APPBP2: variants seen among roughly 807,000 people sequenced by gnomAD.
APPBP2 encodes amyloid protein-binding protein 2.
A neutral mutation model predicts 76.0 loss-of-function variants in APPBP2; 15 were observed. The observed-to-expected ratio is 0.20, with a 90% CI of 0.13 to 0.30. APPBP2 has a LOEUF of 0.30. APPBP2 is among the 10% of genes least tolerant of loss of function. The pLI, the probability that APPBP2 is intolerant of heterozygous loss-of-function variation, is 1.00. For missense variants in APPBP2, 401 were observed against 687.2 expected, an observed-to-expected ratio of 0.58 and a Z score of 4.66; for synonymous variants, 222 against 242.2, an observed-to-expected ratio of 0.92 and a Z score of 0.77.
chr17:60,462,738 C>T (rs1421124250), intron 6 of APPBP2: 1 of 152,104 alleles, frequency 6.6e-6, no homozygotes, highest in Non-Finnish European at 1.5e-5. Context: ...ATCACAAGGT[C>T]AGGAGATCGA....
Position 60,461,783 on chromosome 17 carries a change from A to G in APPBP2, c.936+27T>C, listed in dbSNP as rs776614171. 8 of 1,533,546 alleles carry G rather than the reference A, an allele frequency of 5.2e-6. No homozygotes were observed. In the South Asian group the frequency reaches 9.5e-5, roughly 18 times the overall value. 95.0% of individuals were successfully genotyped at this position (1,533,546 alleles called of 1,614,324 possible). On this transcript the variant is annotated intron_variant, in intron 8 of 12. Coordinates refer to ENST00000083182, the MANE Select transcript of APPBP2 (RefSeq NM_006380.5). Reference sequence around the variant, plus strand: ...GGTCAGCAAGTCAATACAGGTTGAAAGAAAAAAAGGGTAACCATTAACATA... The same window carrying G: ...GGTCAGCAAGTCAATACAGGTTGAAGGAAAAAAAGGGTAACCATTAACATA...
chr17:60,463,418 A>T (rs529526278), intron 6 of APPBP2, among the ~76,000 whole-genome samples: 1 of 152,284 alleles, frequency 6.6e-6, no homozygotes, highest in East Asian at 1.9e-4. Context: ...AGGTGGGAGG[A>T]TCGCTTGAGT....
intron 1 of APPBP2, among the ~76,000 whole-genome samples, chr17:60,522,121 G>A (rs2091014167): frequency 6.6e-6 from 1 of 152,110 alleles, no homozygotes. Flanking sequence ...AGCAACACAT[G>A]ACTGTATTGT....
chr17:60,453,872 C>G (rs975975740), intron 11 of APPBP2, among the ~76,000 whole-genome samples: 1 of 151,078 alleles, frequency 6.6e-6, no homozygotes, highest in Non-Finnish European at 1.5e-5. Context: ...TATATTTTGA[C>G]TATTGTTTGT....
chr17:60,512,849 AAAAAAG>A (rs1315598602), intron 1 of APPBP2, among the ~76,000 whole-genome samples: 13 of 150,528 alleles, frequency 8.6e-5, no homozygotes, highest in African/African-American at 3.2e-4. Context: ...AAAAAAAAAA[AAAAAAG>A]GAAAGGAAAA....
intron 3 of APPBP2, among the ~76,000 whole-genome samples, chr17:60,480,052 A>G (rs1033973566): frequency 6.6e-6 from 1 of 152,218 alleles, no homozygotes; most frequent in Non-Finnish European, 1.5e-5. Context: ...TTATTAAGGA[A>G]TAATTTCTTA....
chr17:60,477,339 C>T (rs1208606504), intron 4 of APPBP2: 1 of 152,114 alleles, frequency 6.6e-6, no homozygotes, highest in Non-Finnish European at 1.5e-5. Context: ...AAATAAAGCA[C>T]ATACAAAAAA....
Position 60,494,501 on chromosome 17 carries a change from A to T in APPBP2, c.344T>A (p.Val115Glu), listed in dbSNP as rs1460602293. 6.2e-7 allele frequency: 1 copy of T among 1,610,636 alleles called. No homozygotes were observed. Among genetic ancestry groups the T allele is most frequent in the Admixed American group, 1.7e-5 (1 of 58,706 alleles). The change falls in exon 3 of 13, where the codon GTA becomes GAA. Residue 115 changes from valine to glutamate, a missense_variant. Around this residue, in one of 5 missense-constraint regions of APPBP2, gnomAD observed 149 missense variants for 198.4 expected, o/e 0.75. Coordinates refer to ENST00000083182, the MANE Select transcript of APPBP2 (RefSeq NM_006380.5). ...GCCAACCTGAATGGCTTTTTCCTTT[A>T]CTGCAGCATCTGATTCTGCTATATA... ...CSYIAESDAA[V>E]KEKAIQVGFV... is the part of the protein sequence containing the mutation.
At position 60,518,069 on chromosome 17, in the gene APPBP2, T is replaced by G. The variant is rs67907415; in HGVS notation, c.138+7725A>C. ...TTTTTAAAGTGTTCTTACAATTTCCTTTTTTTTTTTTTTTTTGAGACAGTC... is the reference window on the plus strand; with the variant it reads ...TTTTTAAAGTGTTCTTACAATTTCCGTTTTTTTTTTTTTTTTGAGACAGTC... On this transcript the variant is annotated intron_variant, in intron 1 of 12. Transcript: ENST00000083182. 5.2e-3 allele frequency among the ~76,000 whole-genome samples: 22 copies of G among 4,244 alleles called. No homozygotes were observed. In the African/African-American group the frequency reaches 0.096, roughly 19 times the overall value. The allele number at this position is 4,244 out of a possible 152,430, so 2.8% of individuals were successfully genotyped here.
At chr17:60,514,032 T>C (rs1165549885) in intron 1 of APPBP2, among the ~76,000 whole-genome samples, 3 of 137,032 alleles carry the variant, frequency 2.2e-5, no homozygotes, top group Non-Finnish European at 4.6e-5. Flanking sequence ...CAGCCAGGCA[T>C]GGTGGCTCAC....
In APPBP2 at chr17:60,477,664, T is replaced by C. The variant is rs547468971; in HGVS notation, c.503+1484A>G. Among the ~76,000 whole-genome samples, 4 of 152,258 alleles carry C rather than the reference T, an allele frequency of 2.6e-5. No homozygotes were observed. In the South Asian group the frequency reaches 8.3e-4, roughly 32 times the overall value. ...CTTCCAAAGTATATGTGGGAAATTA[T>C]CACCTTCTAAAATATTATTTATAAT... On this transcript the variant is annotated intron_variant, in intron 4 of 12. Coordinates refer to ENST00000083182, the MANE Select transcript of APPBP2 (RefSeq NM_006380.5).
rs897295591 is a variant in APPBP2, at chr17:60,447,699, C to T, written c.1640G>A (p.Arg547Gln). Residue 547 changes from arginine to glutamine, a missense_variant, in exon 13 of 13, where the codon CGA becomes CAA. By Grantham distance (43) the Arg-to-Gln change is conservative. Coordinates refer to ENST00000083182, the MANE Select transcript of APPBP2 (RefSeq NM_006380.5). ...HNVLSNWNRL[R>Q]DRQYSVTDAL... ...ATCTGTCACTGAATATTGCCGATCT[C>T]GCAACCGGTTCCAGTTAGACAGAAC... 1 of 1,614,138 alleles carries T rather than the reference C, an allele frequency of 6.2e-7. No homozygotes were observed. The highest frequency in any genetic ancestry group is 8.5e-7 in the Non-Finnish European group (1 of 1,180,030).
chr17:60,510,654 C>T (rs979075653), intron 1 of APPBP2, among the ~76,000 whole-genome samples: 3 of 151,664 alleles, frequency 2.0e-5, no homozygotes, highest in Non-Finnish European at 2.9e-5. Flanking sequence ...AGGTTGAGGC[C>T]GCAGTGAGCC....
chr17:60,505,166 T>C (rs1396712643), intron 1 of APPBP2, among the ~76,000 whole-genome samples: 9 of 152,240 alleles, frequency 5.9e-5, no homozygotes, highest in African/African-American at 1.9e-4. Context: ...AAAGGTTTGA[T>C]AGAATTAGTC....
chr17:60,485,595 C>T (rs1426552663), intron 3 of APPBP2, among the ~76,000 whole-genome samples: 5 of 152,000 alleles, frequency 3.3e-5, no homozygotes, highest in African/African-American at 1.2e-4. Context: ...TTCTTTTCTT[C>T]TTTATTAGTC....
At chr17:60,512,740 C>A (rs191855092) in intron 1 of APPBP2, among the ~76,000 whole-genome samples, 2 of 138,864 alleles carry the variant, frequency 1.4e-5, no homozygotes, top group African/African-American at 2.7e-5. Flanking sequence ...GAGGCTGAGG[C>A]AGGAAAATAA....
intron 4 of APPBP2, among the ~76,000 whole-genome samples, chr17:60,474,947 AG>A (rs1467232422): frequency 6.6e-6 from 1 of 152,150 alleles, no homozygotes; most frequent in Non-Finnish European, 1.5e-5. Context: ...AATAAAATAG[AG>A]GCCAGGTGCA....
intron 4 of APPBP2, among the ~76,000 whole-genome samples, chr17:60,470,264 T>C (rs2090542473): frequency 1.3e-5 from 2 of 152,164 alleles, no homozygotes; most frequent in Non-Finnish European, 2.9e-5. Context: ...GTCCATTTTT[T>C]ATTTTTAATT....
At chr17:60,469,303 C>T (rs1250122426) in intron 4 of APPBP2, among the ~76,000 whole-genome samples, 2 of 130,222 alleles carry the variant, frequency 1.5e-5, no homozygotes, top group Admixed American at 8.8e-5. Context: ...TCCAGACTGG[C>T]GACAGAGCAA....
Sources: allele counts gnomAD v4.1 joint callset (sites outside exome capture counted in the v4.1 genomes callset), GRCh38; gene constraint gnomAD v4.1.1; regional missense constraint gnomAD v4.1.1; transcripts MANE v1.5; gene names NCBI Gene and HGNC (gene_info 2026-07-23, HGNC 2026-07-21).